IL27RA: variants seen among roughly 807,000 people sequenced by gnomAD.
IL27RA encodes the protein interleukin-27 receptor subunit alpha.
A neutral mutation model predicts 80.8 loss-of-function variants in IL27RA; 61 were observed. The observed-to-expected ratio is 0.76, with a 90% confidence interval of 0.61 to 0.93. The LOEUF (loss-of-function observed/expected upper bound fraction) is 0.93, where lower values mean the gene tolerates loss of function less well. Ranked by LOEUF, IL27RA falls within the 40% of genes least tolerant of loss-of-function variation. The pLI, the probability that IL27RA is intolerant of heterozygous loss-of-function variation, is 0.00. For synonymous variants in IL27RA, 316 were observed against 332.5 expected (o/e 0.95, Z 0.54); for missense variants, 735 against 808.1 (o/e 0.91, Z 1.10).
At chr19:14,049,413 G>C in intron 10 of IL27RA, 99 bp downstream of exon 10, 6 of 1,263,638 alleles carry the variant, frequency 4.7e-6, no homozygotes, top group East Asian at 2.5e-5. Flanking sequence ...CTTTGGCCCA[G>C]GGACCATACA....
At chr19:14,033,110 T>C (rs1975847425) in intron 2 of IL27RA, among the ~76,000 whole-genome samples, 1 of 150,394 alleles carries the variant, frequency 6.6e-6, no homozygotes, top group South Asian at 2.1e-4. Flanking sequence ...TTTTTTTTTT[T>C]TTTGAAACGG....
chr19:14,051,750 G>T, intron 12 of IL27RA, 50 bp downstream of exon 12: 1 of 1,487,394 alleles, frequency 6.7e-7, no homozygotes, highest in South Asian at 1.1e-5. Context: ...AAGGCAGCTG[G>T]GCATTTTGCT....
In IL27RA at chr19:14,040,825, G is replaced by A. The variant is rs575291779; in HGVS notation, c.534+915G>A. On this transcript the variant is annotated intron_variant, in intron 4 of 13. Transcript: ENST00000263379. The stretch of plus-strand genomic sequence containing the variant: ...CAGCCTGGCAACAGAGCAAGACTCC[G>A]TCTCAAAAAAAAAAAGAAGAAGAAG... 4.8e-4 allele frequency among the ~76,000 whole-genome samples: 71 copies of A among 149,196 alleles called. No individual in the cohort carries two copies. In the East Asian group the frequency reaches 0.01, roughly 22 times the overall value.
rs531914542 is a variant in IL27RA at position 14,046,723 on chromosome 19, T to C, written c.1141+105T>C. 3 of 1,141,114 alleles carry C rather than the reference T, an allele frequency of 2.6e-6. No individual in the cohort carries two copies. In the Admixed American group the frequency reaches 7.9e-5, roughly 30 times the overall value. 70.7% of individuals were successfully genotyped at this position (1,141,114 alleles called of 1,614,324 possible). ...GATTAAAGTAGCGTGATGGCCGGGC[T>C]TGGTGGCTCATGCCTGTAATCTCAG... is the stretch of plus-strand genomic sequence containing the variant. On this transcript the variant is annotated intron_variant, in intron 8 of 13. Transcript: ENST00000263379.
Position 14,046,558 on chromosome 19 carries a change from C to G in IL27RA, c.1081C>G (p.Pro361Ala). 1.2e-6 allele frequency: 2 copies of G among 1,613,874 alleles called. No individual in the cohort carries two copies. Among genetic ancestry groups the G allele is most frequent in the Non-Finnish European group, 1.7e-6 (2 of 1,179,886 alleles). Residue 361 changes from proline (P) to alanine (A), a missense_variant, in exon 8 of 14, where the codon CCC becomes GCC. By Grantham distance (27) the Pro-to-Ala change is conservative. Transcript: ENST00000263379. ...AGTGGACTGGGCTCGAGATGGGGAC[C>G]CCCTGGAGAAACTCAACTGGGTCCG... ...HVVDWARDGDPLEKLNWVRLP... is the reference protein window; with the variant it reads ...HVVDWARDGDALEKLNWVRLP...
chr19:14,031,796 C>G lies in IL27RA; in HGVS notation c.-77C>G, dbSNP rs933497187. On this transcript the variant is annotated 5_prime_UTR_variant, in exon 1 of 14. Transcript: ENST00000263379. ...CCCGTTGCCGCCTCGGGCGCTGTAC[C>G]CAGAGCTCGAAGAGGAGCAGCGCGG... 3.1e-6 allele frequency: 4 copies of G among 1,270,892 alleles called. No homozygotes were observed. Among genetic ancestry groups the G allele is most frequent in the Non-Finnish European group, 3.3e-6 (3 of 920,732 alleles). 78.7% of individuals were successfully genotyped at this position (1,270,892 alleles called of 1,614,324 possible). A position where few individuals can be genotyped will look rare whatever the true frequency, so the allele number is the denominator to read the frequency against.
At chr19:14,042,197 C>CA (rs144463133) in intron 4 of IL27RA, among the ~76,000 whole-genome samples, 4,732 of 86,210 alleles carry the variant, frequency 0.055, 157 homozygotes, top group African/African-American at 0.1. Context: ...GACTCTGCCT[C>CA]AAAAAAAAAA....
At position 14,052,141 on chromosome 19, in the gene IL27RA, G is replaced by A. The variant is rs763416001; in HGVS notation, c.1762G>A (p.Val588Met). Residue 588 changes from valine to methionine, a missense_variant, in exon 14 of 14, where the codon GTG (valine) becomes ATG (methionine). Coordinates refer to ENST00000263379, the MANE Select transcript of IL27RA (RefSeq NM_004843.4). ...QPLGDLPILE[V>M]EEMEPPPVME... ...CCTTGGGGACTTGCCCATCCTGGAA[G>A]TGGAGGAGATGGAGCCCCCGCCGGT... The A allele has an allele frequency of 1.7e-5, 28 of 1,613,382 alleles. No individual in the cohort carries two copies. Among genetic ancestry groups the A allele is most frequent in the Admixed American group, 8.3e-5 (5 of 59,904 alleles).
At chr19:14,035,594 C>A (rs2145685977) in intron 2 of IL27RA, among the ~76,000 whole-genome samples, 1 of 151,872 alleles carries the variant, frequency 6.6e-6, no homozygotes. Flanking sequence ...GGGGTTTCTC[C>A]ATGTTGGTCT....
In IL27RA at chr19:14,046,546, C is replaced by T. The variant is rs775210243; in HGVS notation, c.1069C>T (p.Arg357Ter). 5.6e-6 allele frequency: 9 copies of T among 1,613,888 alleles called. No individual in the cohort carries two copies. Among genetic ancestry groups the T allele is most frequent in the East Asian group, 4.5e-5 (2 of 44,892 alleles). The change falls in exon 8 of 14, where the codon CGA becomes TGA. Residue 357 changes from arginine (R) to a stop codon, truncating the protein, a stop_gained. Transcript: ENST00000263379. LOFTEE classifies it high-confidence loss of function. ...ACTGGAGCATGTAGTGGACTGGGCTCGAGATGGGGACCCCCTGGAGAAACT... is the reference window on the plus strand; with the variant it reads ...ACTGGAGCATGTAGTGGACTGGGCTTGAGATGGGGACCCCCTGGAGAAACT... Reference protein sequence around the residue: ...EPLEHVVDWARDGDPLEKLNW... With the variant: ...EPLEHVVDWA
At chr19:14,040,049 T>G in intron 4 of IL27RA, 139 bp downstream of exon 4, 4 of 807,324 alleles carry the variant, frequency 5.0e-6, no homozygotes, top group Non-Finnish European at 5.9e-6. Flanking sequence ...TGCCTGCATG[T>G]GCCTCTTGTT....
At chr19:14,046,753 T>C (rs1273446810) in intron 8 of IL27RA, 135 bp downstream of exon 8, 3 of 830,310 alleles carry the variant, frequency 3.6e-6, no homozygotes, top group Admixed American at 3.0e-5. Flanking sequence ...TCTCAGCACT[T>C]TGGGAGGCCG....
Position 14,050,784 on chromosome 19 carries a change from C to G in IL27RA, c.1429C>G (p.Leu477Val), listed in dbSNP as rs1216773389. The G allele has an allele frequency of 6.2e-7, 1 of 1,613,410 alleles. No individual in the cohort carries two copies. The highest frequency in any genetic ancestry group is 1.7e-5 in the Admixed American group (1 of 59,984). ...NVSGNTQSVT[L>V]PDLPWGPCEL... is the part of the protein sequence containing the mutation. ...GAGTGGCAACACACAGAGTGTCACC[C>G]TGCCTGACCTTCCTTGGGGTCCCTG... The change falls in exon 11 of 14, where the codon CTG becomes GTG. Residue 477 changes from leucine (L) to valine (V), a missense_variant. Coordinates refer to ENST00000263379, the MANE Select transcript of IL27RA (RefSeq NM_004843.4).
At chr19:14,049,342 C>T (rs763627582) in intron 10 of IL27RA, 28 bp downstream of exon 10, 1 of 1,599,022 alleles carries the variant, frequency 6.3e-7, no homozygotes, top group Non-Finnish European at 8.5e-7. Flanking sequence ...CTGACCTGTC[C>T]TCCCAGCCCC....
intron 8 of IL27RA, among the ~76,000 whole-genome samples, chr19:14,046,957 A>C (rs1976077008): frequency 2.0e-5 from 3 of 151,752 alleles, no homozygotes; most frequent in Admixed American, 1.3e-4. Flanking sequence ...AGATTGCGCC[A>C]CTGCACTCTA....
intron 8 of IL27RA, 25 bp downstream of exon 8, chr19:14,046,643 T>G (rs1976071563): frequency 6.4e-7 from 1 of 1,564,682 alleles, no homozygotes; most frequent in Admixed American, 1.8e-5. Flanking sequence ...CACCTGGGTC[T>G]CCATCCCCGC....
chr19:14,036,094 AAGAAG>A, intron 2 of IL27RA, among the ~76,000 whole-genome samples: 1 of 149,536 alleles, frequency 6.7e-6, no homozygotes, highest in African/African-American at 2.5e-5. Context: ...AAAAAAAAGA[AAGAAG>A]AAGAAGAAGA....
chr19:14,044,069 GGT>G (rs1247930726), intron 6 of IL27RA, among the ~76,000 whole-genome samples: 4 of 141,062 alleles, frequency 2.8e-5, no homozygotes, highest in Admixed American at 2.7e-4. Context: ...AAAAAAAAAA[GGT>G]ATTATAAAAT....
chr19:14,048,889 G>C, intron 8 of IL27RA, 92 bp from the exon 9 acceptor site: 1 of 1,049,384 alleles, frequency 9.5e-7, no homozygotes, highest in Non-Finnish European at 1.5e-6. Flanking sequence ...TTATCTCAGG[G>C]TGTCCTTCTG....
Sources: allele counts gnomAD v4.1 joint callset (sites outside exome capture counted in the v4.1 genomes callset), GRCh38; gene constraint gnomAD v4.1.1; transcripts MANE v1.5; gene names NCBI Gene and HGNC (gene_info 2026-07-23, HGNC 2026-07-21).